The following CASTOR1 variants were observed in gnomAD, a reference collection of about 807,000 sequenced individuals.
The protein encoded by CASTOR1 is GATS protein like 3.
In CASTOR1, 18 loss-of-function variants were observed where a neutral mutation model predicts 33.7. The ratio of observed to expected loss-of-function variants is 0.53; its 90% CI spans 0.37 to 0.79. CASTOR1 has a LOEUF of 0.79. Ranked by LOEUF, CASTOR1 falls within the 30% of genes least tolerant of loss-of-function variation. The probability of loss-of-function intolerance (pLI) is 0.00; values close to 1 mark genes in which losing one functional copy is unlikely to be tolerated. For synonymous variants in CASTOR1, 175 were observed against 190.6 expected, an observed-to-expected ratio of 0.92 and a Z score of 0.67; for missense variants, 362 against 446.3, an observed-to-expected ratio of 0.81 and a Z score of 1.70.
At chr22:30,286,710 A>T (rs765496301) in intron 5 of CASTOR1, 115 bp downstream of exon 5, 1 of 1,328,000 alleles carries the variant, frequency 7.5e-7, no homozygotes, top group Admixed American at 1.9e-5. Context: ...ATGGGCTGCC[A>T]GGAACCCCAA....
intron 1 of CASTOR1, 98 bp downstream of exon 1, chr22:30,289,287 G>T: frequency 1.1e-6 from 1 of 935,264 alleles, no homozygotes. Flanking sequence ...CCGCCCGCCT[G>T]CCTGCCTGCC....
In CASTOR1 at chr22:30,285,549, A is replaced by G; in HGVS notation, c.*71T>C. The stretch of plus-strand genomic sequence containing the variant: ...GGGGCTCGTTCCAGAGCTTAAGGAA[A>G]TAGCTTAGAGAAGTCTTTGGAAGCC... On this transcript the variant is annotated 3_prime_UTR_variant, in exon 9 of 9. Transcript: ENST00000407689. The G allele has an allele frequency of 9.0e-6, 11 of 1,225,820 alleles. 2 individuals are homozygous for G. In the South Asian group the frequency reaches 1.5e-4, roughly 16 times the overall value. 75.9% of individuals were successfully genotyped at this position (1,225,820 alleles called of 1,614,324 possible). A position where few individuals can be genotyped will look rare whatever the true frequency, so the allele number is the denominator to read the frequency against.
chr22:30,285,804 C>CACCTCTGCCCCAG, intron 8 of CASTOR1, 28 bp downstream of exon 8: 1 of 155,598 alleles, frequency 6.4e-6, no homozygotes, highest in African/African-American at 3.1e-4. Flanking sequence ...GCCTCACTCT[C>CACCTCTGCCCCAG]CCCTCTGCCC....
chr22:30,287,133 A>C (rs777973170), intron 4 of CASTOR1, 22 bp downstream of exon 4: 1 of 1,600,320 alleles, frequency 6.2e-7, no homozygotes, highest in East Asian at 2.2e-5. Flanking sequence ...CCCAAGTCCA[A>C]GTGTCAGGGG....
intron 1 of CASTOR1, 138 bp from the exon 2 acceptor site, chr22:30,288,914 G>T: frequency 1.6e-6 from 1 of 629,114 alleles, no homozygotes; most frequent in Non-Finnish European, 2.7e-6. Context: ...TAATTTCCAG[G>T]CCAATGGGAT....
chr22:30,286,055 A>C lies in CASTOR1; in HGVS notation c.787T>G (p.Trp263Gly). 1 of 1,586,520 alleles carries C rather than the reference A, an allele frequency of 6.3e-7. No homozygotes were observed. The highest frequency in any genetic ancestry group is 8.6e-7 in the Non-Finnish European group (1 of 1,164,620). Residue 263 changes from tryptophan to glycine, a missense_variant, in exon 7 of 9, where the codon TGG becomes GGG. Physicochemically the swap from Trp to Gly is radical, Grantham distance 184. Coordinates refer to ENST00000407689, the MANE Select transcript of CASTOR1 (RefSeq NM_001037666.3). ...LLLTSSSGELWRMVRIGGQPL... is the reference protein window; with the variant it reads ...LLLTSSSGELGRMVRIGGQPL... Reference sequence around the variant, plus strand: ...TGTCCACCGATGCGCACCATCCTCCACAGCTCCCCCGAGGAGCTGGTCAGC... The same window carrying C: ...TGTCCACCGATGCGCACCATCCTCCCCAGCTCCCCCGAGGAGCTGGTCAGC...
chr22:30,288,850 C>T lies in CASTOR1; in HGVS notation c.114-74G>A, dbSNP rs534871533. The T allele has an allele frequency of 1.1e-4, 138 of 1,246,600 alleles. No homozygotes were observed. In the South Asian group the frequency reaches 1.2e-3, roughly 11 times the overall value. The allele number at this position is 1,246,600 out of a possible 1,614,324, so 77.2% of individuals were successfully genotyped here. A position where few individuals can be genotyped will look rare whatever the true frequency, so the allele number is the denominator to read the frequency against. On this transcript the variant is annotated intron_variant, in intron 1 of 8. Transcript: ENST00000407689. ...TCGGGAGTGGATTTCTCTCCATCTG[C>T]CCCGAGACACCCCCGCGACCCTGGG...
At position 30,286,863 on chromosome 22, in the gene CASTOR1, G is replaced by A. The variant is rs762468471; in HGVS notation, c.591C>T (p.Ile197=). The change falls in exon 5 of 9, where the codon ATC becomes ATT. Residue 197 remains isoleucine, a synonymous_variant. Coordinates refer to ENST00000407689, the MANE Select transcript of CASTOR1 (RefSeq NM_001037666.3). ...LTLDPETLPA[I]ATTLIDVLFY... ...AGAGGACATCTATGAGGGTGGTGGC[G>A]ATGGCTGGAAGCGTCTCAGGGTCCA... is the stretch of plus-strand genomic sequence containing the variant. The A allele has an allele frequency of 1.6e-5, 26 of 1,614,090 alleles. No homozygotes were observed. Among genetic ancestry groups the A allele is most frequent in the South Asian group, 3.3e-5 (3 of 91,092 alleles).
At position 30,288,787 on chromosome 22, in the gene CASTOR1, G is replaced by C; in HGVS notation, c.114-11C>G. The C allele has an allele frequency of 6.2e-7, 1 of 1,607,122 alleles. No individual in the cohort carries two copies. The highest frequency in any genetic ancestry group is 1.1e-5 in the South Asian group (1 of 90,432). ...CTGAAGAACTTGCACCTGGTTGGGG[G>C]TGGGGAGCATCTTCAGCTTGGTGTG... On this transcript the variant is annotated splice_polypyrimidine_tract_variant and intron_variant, in intron 1 of 8. Coordinates refer to ENST00000407689, the MANE Select transcript of CASTOR1 (RefSeq NM_001037666.3).
chr22:30,288,622 G>T, intron 2 of CASTOR1, 84 bp downstream of exon 2: 2 of 1,198,096 alleles, frequency 1.7e-6, no homozygotes, highest in Non-Finnish European at 2.4e-6. Flanking sequence ...CTCTTGGGAC[G>T]GATCCCAGCA....
At chr22:30,288,909 T>C (rs1172909940) in intron 1 of CASTOR1, 133 bp from the exon 2 acceptor site, 1 of 636,692 alleles carries the variant, frequency 1.6e-6, no homozygotes, top group African/African-American at 1.9e-5. Context: ...GCCTTTAATT[T>C]CCAGGCCAAT....
rs777410516 is a variant in CASTOR1 at position 30,289,326 on chromosome 22, G to A, written c.113+59C>T. On this transcript the variant is annotated intron_variant, in intron 1 of 8. Transcript: ENST00000407689. ...CGGCGATCCTAATCCTCCGACCCTG[G>A]CCCGGAGCGAGAGCAGAGCCCCCAG... 23 of 1,240,680 alleles carry A rather than the reference G, an allele frequency of 1.9e-5. No individual in the cohort carries two copies. The African/African-American group carries it at 3.3e-4, about 18-fold the overall frequency. The allele number at this position is 1,240,680 out of a possible 1,614,324, so 76.9% of individuals were successfully genotyped here. A position where few individuals can be genotyped will look rare whatever the true frequency, so the allele number is the denominator to read the frequency against.
chr22:30,288,638 T>G (rs959435482), intron 2 of CASTOR1, 68 bp downstream of exon 2: 139 of 1,379,988 alleles, frequency 1.0e-4, no homozygotes, highest in Non-Finnish European at 1.3e-4. Context: ...CAGCAACTGG[T>G]GAGAACCCTA....
At position 30,287,253 on chromosome 22, in the gene CASTOR1, G is replaced by T. The variant is rs749659130; in HGVS notation, c.407C>A (p.Thr136Lys). 4 of 1,582,398 alleles carry T rather than the reference G, an allele frequency of 2.5e-6. No individual in the cohort carries two copies. Among genetic ancestry groups the T allele is most frequent in the African/African-American group, 1.3e-5 (1 of 74,452 alleles). The change falls in exon 4 of 9, where the codon ACG becomes AAG. Residue 136 changes from threonine to lysine, a missense_variant. By Grantham distance (78) the Thr-to-Lys change is moderately conservative. Coordinates refer to ENST00000407689, the MANE Select transcript of CASTOR1 (RefSeq NM_001037666.3). ...GTAAATGTCGAACTCCTGGGCCAGC[G>T]TGTGGATCACCACGGACAGGTCCTG... is the stretch of plus-strand genomic sequence containing the variant. ...REQDLSVVIH[T>K]LAQEFDIYRE...
chr22:30,285,752 C>A, intron 8 of CASTOR1, 64 bp from the exon 9 acceptor site: 1 of 1,517,094 alleles, frequency 6.6e-7, no homozygotes, highest in Non-Finnish European at 8.9e-7. Context: ...CCCCTGACTT[C>A]CTGGCCCAGC....
At chr22:30,286,417 C>T in intron 5 of CASTOR1, 41 bp from the exon 6 acceptor site, 2 of 1,327,276 alleles carry the variant, frequency 1.5e-6, no homozygotes, top group Non-Finnish European at 2.2e-6. Flanking sequence ...ACCAGGCACC[C>T]AGCCTACTGC....
At chr22:30,285,781 C>A in intron 8 of CASTOR1, 51 bp downstream of exon 8, 1 of 1,557,540 alleles carries the variant, frequency 6.4e-7, no homozygotes, top group South Asian at 1.2e-5. Flanking sequence ...CCTCCTGCCG[C>A]CCACATTTCT....
Position 30,288,796 on chromosome 22 carries a change from A to C in CASTOR1, c.114-20T>G. ...TTGCACCTGGTTGGGGGTGGGGAGC[A>C]TCTTCAGCTTGGTGTGGAGAACTAG... On this transcript the variant is annotated intron_variant, in intron 1 of 8. Coordinates refer to ENST00000407689, the MANE Select transcript of CASTOR1 (RefSeq NM_001037666.3). 6.2e-7 allele frequency: 1 copy of C among 1,602,328 alleles called. No individual in the cohort carries two copies. Among genetic ancestry groups the C allele is most frequent in the Non-Finnish European group, 8.5e-7 (1 of 1,174,444 alleles).
rs573111141 is a variant in CASTOR1 at position 30,285,258 on chromosome 22, C to T, written c.*362G>A. 1.1e-4 allele frequency: 22 copies of T among 200,254 alleles called. No homozygotes were observed. The highest frequency in any genetic ancestry group is 1.7e-4 in the Non-Finnish European group (17 of 99,454). 12.4% of individuals were successfully genotyped at this position (200,254 alleles called of 1,614,324 possible). A position where few individuals can be genotyped will look rare whatever the true frequency, so the allele number is the denominator to read the frequency against. On this transcript the variant is annotated 3_prime_UTR_variant, in exon 9 of 9. Transcript: ENST00000407689. Reference sequence around the variant, plus strand: ...GAAGGCAACCCCACCAGAGGCAGAACGGAGGTCAGCGGGGCAGCTGGCCCA... The same window carrying T: ...GAAGGCAACCCCACCAGAGGCAGAATGGAGGTCAGCGGGGCAGCTGGCCCA...
Sources: gnomAD v4.1 joint callset for allele counts on GRCh38, gnomAD v4.1.1 for gene constraint, MANE v1.5 for transcripts, NCBI Gene and HGNC (gene_info 2026-07-23, HGNC 2026-07-21) for gene names.